ST6GALNAC5: variants seen among roughly 807,000 people sequenced by gnomAD.
ST6GALNAC5 encodes ST6 N-acetylgalactosaminide alpha-2,6-sialyltransferase 5.
A neutral mutation model predicts 33.6 loss-of-function variants in ST6GALNAC5; 27 were observed. The ratio of observed to expected loss-of-function variants is 0.80; its 90% CI spans 0.59 to 1.11. ST6GALNAC5 has a LOEUF of 1.11. Among genes scored for constraint, ST6GALNAC5 ranks in the 50% least tolerant of loss-of-function variants. The probability of loss-of-function intolerance (pLI) is 0.00; values close to 1 mark genes in which losing one functional copy is unlikely to be tolerated. For missense variants in ST6GALNAC5, 428 were observed against 454.0 expected, an observed-to-expected ratio of 0.94 and a Z score of 0.52; for synonymous variants, 194 against 171.2, an observed-to-expected ratio of 1.13 and a Z score of -1.04.
At chr1:77,042,432 C>A (rs1395915736) in intron 2 of ST6GALNAC5, among the ~76,000 whole-genome samples, 2 of 152,202 alleles carry the variant, frequency 1.3e-5, no homozygotes, top group Admixed American at 6.5e-5. Flanking sequence ...GACTGCCTAG[C>A]ACAGTGCCTG....
At chr1:76,885,371 C>A (rs1322209704) in intron 2 of ST6GALNAC5, among the ~76,000 whole-genome samples, 1 of 152,050 alleles carries the variant, frequency 6.6e-6, no homozygotes, top group Non-Finnish European at 1.5e-5. Flanking sequence ...AGGAAAGTTA[C>A]AATTATTCAT....
chr1:76,947,509 G>A (rs1186897800), intron 2 of ST6GALNAC5, among the ~76,000 whole-genome samples: 1 of 152,074 alleles, frequency 6.6e-6, no homozygotes. Context: ...ACTGAGCGGG[G>A]GAGGATTGCT....
At chr1:76,914,137 A>G (rs1484426146) in intron 2 of ST6GALNAC5, among the ~76,000 whole-genome samples, 4 of 152,176 alleles carry the variant, frequency 2.6e-5, no homozygotes, top group Non-Finnish European at 5.9e-5. Flanking sequence ...TACAAGGGAC[A>G]TGAAGGACCT....
intron 2 of ST6GALNAC5, among the ~76,000 whole-genome samples, chr1:76,922,248 G>A (rs191790140): frequency 1.8e-4 from 28 of 152,164 alleles, no homozygotes; most frequent in Non-Finnish European, 2.6e-4. Flanking sequence ...AATTTAAAAC[G>A]TAAAACATTT....
intron 2 of ST6GALNAC5, among the ~76,000 whole-genome samples, chr1:76,917,415 A>G (rs1646986815): frequency 6.6e-6 from 1 of 152,148 alleles, no homozygotes; most frequent in African/African-American, 2.4e-5. Context: ...TCCATTCATA[A>G]TCTATTATTG....
chr1:76,986,664 A>G (rs1442479071), intron 2 of ST6GALNAC5, among the ~76,000 whole-genome samples: 1 of 152,218 alleles, frequency 6.6e-6, no homozygotes. Flanking sequence ...ATTACTGGGT[A>G]TATACCCAAA....
At chr1:76,972,756 A>C (rs949443537) in intron 2 of ST6GALNAC5, among the ~76,000 whole-genome samples, 1 of 152,180 alleles carries the variant, frequency 6.6e-6, no homozygotes, top group Non-Finnish European at 1.5e-5. Flanking sequence ...CTTGCCCTCC[A>C]TATGGGTTAT....
chr1:76,966,406 T>C (rs564346336), intron 2 of ST6GALNAC5, among the ~76,000 whole-genome samples: 1 of 152,184 alleles, frequency 6.6e-6, no homozygotes, highest in South Asian at 2.1e-4. Flanking sequence ...CTCTGTCTGT[T>C]ATTGGTATTT....
chr1:77,037,713 A>G (rs1308869401), intron 2 of ST6GALNAC5, among the ~76,000 whole-genome samples: 1 of 152,152 alleles, frequency 6.6e-6, no homozygotes, highest in African/African-American at 2.4e-5. Flanking sequence ...ACAGAAATAT[A>G]AAAGATAGAA....
intron 2 of ST6GALNAC5, among the ~76,000 whole-genome samples, chr1:76,934,460 G>A (rs1647176730): frequency 6.6e-6 from 1 of 152,024 alleles, no homozygotes; most frequent in Non-Finnish European, 1.5e-5. Flanking sequence ...TGCATTTGAT[G>A]TAAGACATAT....
At chr1:76,985,608 G>A (rs1570739121) in intron 2 of ST6GALNAC5, among the ~76,000 whole-genome samples, 1 of 152,180 alleles carries the variant, frequency 6.6e-6, no homozygotes, top group Non-Finnish European at 1.5e-5. Flanking sequence ...TAGATTCAAG[G>A]CCATCCCCTT....
chr1:77,025,845 C>T (rs562086534), intron 2 of ST6GALNAC5, among the ~76,000 whole-genome samples: 9 of 152,238 alleles, frequency 5.9e-5, no homozygotes, highest in African/African-American at 2.2e-4. Context: ...AGCTGCCAGG[C>T]CCCAGAGACC....
chr1:77,049,805 AATAG>A (rs1260374879), intron 3 of ST6GALNAC5, among the ~76,000 whole-genome samples: 2 of 152,218 alleles, frequency 1.3e-5, no homozygotes, highest in African/African-American at 2.4e-5. Flanking sequence ...CCAATTGACT[AATAG>A]ATAGATAAAT....
intron 2 of ST6GALNAC5, among the ~76,000 whole-genome samples, chr1:77,026,969 C>T (rs1001903232): frequency 8.5e-5 from 13 of 152,254 alleles, no homozygotes; most frequent in African/African-American, 3.1e-4. Flanking sequence ...CATCAGCAGT[C>T]CAAGAATGTT....
At chr1:77,033,385 A>T (rs908956056) in intron 2 of ST6GALNAC5, among the ~76,000 whole-genome samples, 1 of 152,220 alleles carries the variant, frequency 6.6e-6, no homozygotes, top group Non-Finnish European at 1.5e-5. Context: ...ATTTTTAAAA[A>T]GTTTAAATCA....
chr1:76,867,709 C>T lies in ST6GALNAC5; in HGVS notation c.15+19C>T. ...CCTGATGGTGAGTCAGTTGTGGCAA[C>T]TCCACCGGGCAAAGAGGGGGATCCC... On this transcript the variant is annotated intron_variant, in intron 1 of 4. Transcript: ENST00000477717. The T allele has an allele frequency of 6.2e-7, 1 of 1,614,026 alleles. No individual in the cohort carries two copies. The highest frequency in any genetic ancestry group is 1.1e-5 in the South Asian group (1 of 91,066).
chr1:76,981,167 C>T (rs778117507), intron 2 of ST6GALNAC5, among the ~76,000 whole-genome samples: 6 of 152,094 alleles, frequency 3.9e-5, no homozygotes, highest in African/African-American at 7.2e-5. Flanking sequence ...CCAGAGAGGG[C>T]GAGCTGAAGC....
At chr1:76,992,550 G>A (rs960762406) in intron 2 of ST6GALNAC5, among the ~76,000 whole-genome samples, 5 of 152,116 alleles carry the variant, frequency 3.3e-5, no homozygotes, top group African/African-American at 9.6e-5. Context: ...TTTGGAGTTC[G>A]ATGGTGCAAT....
intron 2 of ST6GALNAC5, among the ~76,000 whole-genome samples, chr1:76,921,510 A>G (rs1647034454): frequency 1.3e-5 from 2 of 152,312 alleles, no homozygotes; most frequent in African/African-American, 4.8e-5. Flanking sequence ...CAATAGCAAT[A>G]ATAAAATAGG....
Sources: allele counts gnomAD v4.1 joint callset (sites outside exome capture counted in the v4.1 genomes callset), GRCh38; gene constraint gnomAD v4.1.1; transcripts MANE v1.5; gene names NCBI Gene and HGNC (gene_info 2026-07-23, HGNC 2026-07-21).